PTPN3: variants seen among roughly 807,000 people sequenced by gnomAD.
The protein encoded by PTPN3 is protein tyrosine phosphatase non-receptor type 3.
PTPN3 carries 96 observed loss-of-function variants against 132.7 expected under a neutral mutation model. That is an observed-to-expected ratio of 0.72 (90% CI 0.61 to 0.86). The LOEUF (loss-of-function observed/expected upper bound fraction) is 0.86, where lower values mean the gene tolerates loss of function less well. Ranked by LOEUF, PTPN3 falls within the 40% of genes least tolerant of loss-of-function variation. The pLI is 0.00. For synonymous variants in PTPN3, 398 were observed against 429.0 expected, an observed-to-expected ratio of 0.93 and a Z score of 0.89; for missense variants, 1,125 against 1,159.6, an observed-to-expected ratio of 0.97 and a Z score of 0.43.
intron 12 of PTPN3, among the ~76,000 whole-genome samples, chr9:109,424,886 T>G (rs1035562983): frequency 6.6e-6 from 1 of 152,218 alleles, no homozygotes. Context: ...CTGCTGGCAT[T>G]GGATGCATGC....
At chr9:109,499,796 G>C (rs1417250050), upstream of PTPN3, among the ~76,000 whole-genome samples, 1 of 152,180 alleles carries the variant, frequency 6.6e-6, no homozygotes, top group Admixed American at 6.5e-5. Flanking sequence ...CCCGTGCATC[G>C]CGTCGGGGGG....
upstream of PTPN3, among the ~76,000 whole-genome samples, chr9:109,502,415 T>C (rs936924895): frequency 2.0e-5 from 3 of 152,216 alleles, no homozygotes; most frequent in African/African-American, 7.2e-5. Flanking sequence ...CATAAATACA[T>C]GGGCAAGTGG....
intron 22 of PTPN3, 72 bp from the exon 23 acceptor site, chr9:109,383,623 G>A (rs1403373441): frequency 6.4e-7 from 1 of 1,572,752 alleles, no homozygotes; most frequent in East Asian, 2.2e-5. Flanking sequence ...CCCTGGACAG[G>A]TGGACGGGTT....
intron 1 of PTPN3, among the ~76,000 whole-genome samples, chr9:109,475,876 T>C (rs1487312559): frequency 6.6e-6 from 1 of 152,158 alleles, no homozygotes; most frequent in African/African-American, 2.4e-5. Context: ...CTGAAGCCAG[T>C]GGTAGTCCGG....
intron 14 of PTPN3, among the ~76,000 whole-genome samples, chr9:109,414,684 C>T (rs1473374387): frequency 6.6e-6 from 1 of 152,142 alleles, no homozygotes; most frequent in Non-Finnish European, 1.5e-5. Context: ...GCTGGAACAA[C>T]AGATCATGAA....
At chr9:109,451,478 A>T in intron 5 of PTPN3, 2 of 885,328 alleles carry the variant, frequency 2.3e-6, no homozygotes, top group South Asian at 1.0e-4. Context: ...CTGTGCTAAA[A>T]TCTGCCTCCC....
intron 1 of PTPN3, among the ~76,000 whole-genome samples, chr9:109,473,408 GTTTATTTATAGGT>G (rs560702311): frequency 1.5e-3 from 225 of 152,230 alleles, no homozygotes; most frequent in African/African-American, 5.2e-3. Flanking sequence ...TGGAGTTGGG[GTTTATTTATAGGT>G]TTTATTTATA....
At chr9:109,414,137 AG>A (rs1185526265) in intron 14 of PTPN3, among the ~76,000 whole-genome samples, 1 of 152,218 alleles carries the variant, frequency 6.6e-6, no homozygotes, top group Non-Finnish European at 1.5e-5. Context: ...AGGTACCAAG[AG>A]GATCACCCGA....
Position 109,406,620 on chromosome 9 carries a change from T to A in PTPN3, c.1636-2A>T. The A allele has an allele frequency of 6.2e-7, 1 of 1,613,922 alleles. No homozygotes were observed. The highest frequency in any genetic ancestry group is 1.3e-5 in the African/African-American group (1 of 75,066). ...CAGCTTAGGAATGCAGGTGTCCGCC[T>A]GGGTGGTGGGGAAAAGCGAGTTTCT... On this transcript the variant is annotated splice_acceptor_variant, in intron 17 of 25. Transcript: ENST00000374541. LOFTEE classifies it high-confidence loss of function.
At chr9:109,391,875 G>GGT (rs1840143035) in intron 19 of PTPN3, among the ~76,000 whole-genome samples, 1 of 105,120 alleles carries the variant, frequency 9.5e-6, no homozygotes, top group South Asian at 3.4e-4. Flanking sequence ...AGATGTGGGG[G>GGT]GGGGGGGGAA....
chr9:109,501,466 G>A (rs1847863716), upstream of PTPN3, among the ~76,000 whole-genome samples: 1 of 152,160 alleles, frequency 6.6e-6, no homozygotes, highest in Admixed American at 6.5e-5. Flanking sequence ...CCTTTGATGT[G>A]TTTGTAGGCT....
chr9:109,531,957 A>G, the PTPN3 span, among the ~76,000 whole-genome samples: 2 of 152,184 alleles, frequency 1.3e-5, no homozygotes, highest in South Asian at 2.1e-4. Flanking sequence ...AATGTGTTCT[A>G]CCTCTTTGAA....
At chr9:109,493,055 T>C (rs1014118668) in intron 1 of PTPN3, among the ~76,000 whole-genome samples, 3 of 152,258 alleles carry the variant, frequency 2.0e-5, no homozygotes, top group Non-Finnish European at 4.4e-5. Flanking sequence ...TCTGTTTTTA[T>C]ATTTTATTTG....
At chr9:109,464,519 T>C (rs1193865275) in intron 1 of PTPN3, among the ~76,000 whole-genome samples, 3 of 152,190 alleles carry the variant, frequency 2.0e-5, no homozygotes. Context: ...AATTTACCTA[T>C]ATAACAAACC....
At chr9:109,394,809 G>C (rs1207272221) in intron 19 of PTPN3, among the ~76,000 whole-genome samples, 1 of 152,098 alleles carries the variant, frequency 6.6e-6, no homozygotes, top group Non-Finnish European at 1.5e-5. Flanking sequence ...AGTATGGAAG[G>C]ATACATAAAA....
chr9:109,407,464 C>A (rs1273677520), intron 17 of PTPN3, among the ~76,000 whole-genome samples: 1 of 152,094 alleles, frequency 6.6e-6, no homozygotes, highest in African/African-American at 2.4e-5. Context: ...TATAACAAGA[C>A]ATCATGTTGT....
chr9:109,495,361 C>A (rs1292102942), intron 1 of PTPN3, among the ~76,000 whole-genome samples: 3 of 152,192 alleles, frequency 2.0e-5, no homozygotes, highest in African/African-American at 7.2e-5. Flanking sequence ...TTCTCAACCA[C>A]CACAAACCCG....
intron 7 of PTPN3, among the ~76,000 whole-genome samples, chr9:109,439,917 A>G (rs986696748): frequency 6.8e-6 from 1 of 147,742 alleles, no homozygotes; most frequent in Admixed American, 6.7e-5. Flanking sequence ...TCAAAAAAGA[A>G]AAAAAAAAAA....
At chr9:109,415,911 T>C (rs1034624536) in intron 14 of PTPN3, among the ~76,000 whole-genome samples, 82 of 152,274 alleles carry the variant, frequency 5.4e-4, no homozygotes, top group African/African-American at 1.9e-3. Context: ...GAGAGACATC[T>C]ACACGCAAGT....
Sources: allele counts gnomAD v4.1 joint callset (sites outside exome capture counted in the v4.1 genomes callset), GRCh38; gene constraint gnomAD v4.1.1; transcripts MANE v1.5; gene names NCBI Gene and HGNC (gene_info 2026-07-23, HGNC 2026-07-21).